Variants in FOXJ3 observed in about 807,000 individuals in gnomAD.
FOXJ3 encodes forkhead box protein J3.
In FOXJ3, 22 loss-of-function variants were observed where a neutral mutation model predicts 76.1. The ratio of observed to expected loss-of-function variants is 0.29; its 90% CI spans 0.21 to 0.41. FOXJ3 has a LOEUF of 0.41. Among genes scored for constraint, FOXJ3 ranks in the 10% least tolerant of loss-of-function variants. FOXJ3 has a pLI of 1.00. For synonymous variants in FOXJ3, 269 were observed against 261.2 expected, an observed-to-expected ratio of 1.03 and a Z score of -0.29; for missense variants, 613 against 762.1, an observed-to-expected ratio of 0.80 and a Z score of 2.30.
chr1:42,242,204 G>GA (rs566533469), intron 4 of FOXJ3, among the ~76,000 whole-genome samples: 77 of 146,778 alleles, frequency 5.2e-4, no homozygotes, highest in Admixed American at 6.1e-4. Context: ...CAAGAAATGT[G>GA]AAAAAAAAAA....
At chr1:42,322,195 T>G (rs1655472302) in intron 1 of FOXJ3, among the ~76,000 whole-genome samples, 1 of 152,064 alleles carries the variant, frequency 6.6e-6, no homozygotes, top group Non-Finnish European at 1.5e-5. Context: ...TAAAGGAGAT[T>G]TAAGAAATAT....
intron 2 of FOXJ3, among the ~76,000 whole-genome samples, chr1:42,296,704 C>G (rs984956234): frequency 2.6e-5 from 4 of 152,326 alleles, no homozygotes; most frequent in African/African-American, 9.6e-5. Flanking sequence ...GCTTTAGTTA[C>G]TATAGCCTTG....
At chr1:42,207,644 AAGATCATACC>A (rs1398349714) in intron 5 of FOXJ3, among the ~76,000 whole-genome samples, 17 of 152,344 alleles carry the variant, frequency 1.1e-4, no homozygotes, top group African/African-American at 4.1e-4. Context: ...GCATTTCTAA[AAGATCATACC>A]AGATGAGCGA....
chr1:42,187,729 T>C (rs1646466551), intron 11 of FOXJ3, among the ~76,000 whole-genome samples: 1 of 152,108 alleles, frequency 6.6e-6, no homozygotes, highest in Non-Finnish European at 1.5e-5. Flanking sequence ...TAAATTTTAG[T>C]GTCTGGCACA....
intron 3 of FOXJ3, among the ~76,000 whole-genome samples, chr1:42,266,218 T>C (rs1651455003): frequency 6.6e-6 from 1 of 152,118 alleles, no homozygotes. Flanking sequence ...TATTGGAATT[T>C]TAAACGTTTT....
chr1:42,309,089 G>A (rs774424878), intron 2 of FOXJ3, among the ~76,000 whole-genome samples: 7 of 150,530 alleles, frequency 4.7e-5, no homozygotes, highest in Non-Finnish European at 7.4e-5. Flanking sequence ...AACTACAAAC[G>A]TAACTTCATT....
At chr1:42,326,738 C>T (rs1279271674) in intron 1 of FOXJ3, among the ~76,000 whole-genome samples, 3 of 152,176 alleles carry the variant, frequency 2.0e-5, no homozygotes, top group Admixed American at 6.5e-5. Flanking sequence ...GGAGAAACCG[C>T]TCCCATTGGT....
chr1:42,273,674 C>CA (rs35528514), intron 3 of FOXJ3, among the ~76,000 whole-genome samples: 1,907 of 86,278 alleles, frequency 0.022, 80 homozygotes, highest in South Asian at 0.08. Context: ...CACTCCATCT[C>CA]AAAAAAAAAA....
chr1:42,282,767 C>A (rs1652810285), intron 2 of FOXJ3, among the ~76,000 whole-genome samples: 1 of 152,174 alleles, frequency 6.6e-6, no homozygotes, highest in Admixed American at 6.5e-5. Flanking sequence ...CCTGGTCAAT[C>A]CCCTCTTTCC....
In FOXJ3 at chr1:42,311,110, T is replaced by C. The variant is rs771428235; in HGVS notation, c.-17A>G. The C allele has an allele frequency of 5.0e-6, 8 of 1,589,142 alleles. No individual in the cohort carries two copies. Among genetic ancestry groups the C allele is most frequent in the South Asian group, 4.6e-5 (4 of 86,286 alleles). On this transcript the variant is annotated splice_region_variant and 5_prime_UTR_variant, in exon 2 of 13. Coordinates refer to ENST00000361346, the MANE Select transcript of FOXJ3 (RefSeq NM_014947.5). ...CAAACCCATCTGGCCACAAAGAGAA[T>C]CTGAAAAGCAAAGAAGAGTTAGTTA...
chr1:42,249,076 G>T (rs1037345927), intron 4 of FOXJ3, among the ~76,000 whole-genome samples: 1 of 152,118 alleles, frequency 6.6e-6, no homozygotes, highest in African/African-American at 2.4e-5. Context: ...TGCAAAGGAT[G>T]TGATCTCATT....
intron 5 of FOXJ3, among the ~76,000 whole-genome samples, chr1:42,225,418 CACTCTAAAAAAA>C (rs1197666383): frequency 2.0e-5 from 3 of 152,052 alleles, no homozygotes; most frequent in African/African-American, 7.2e-5. Context: ...TCTCACTTCC[CACTCTAAAAAAA>C]ACTCTAAAGG....
At chr1:42,235,508 G>A (rs1343407309) in intron 4 of FOXJ3, among the ~76,000 whole-genome samples, 1 of 151,958 alleles carries the variant, frequency 6.6e-6, no homozygotes, top group East Asian at 1.9e-4. Flanking sequence ...TCTAGGAGCT[G>A]TAGACTGGAG....
intron 4 of FOXJ3, among the ~76,000 whole-genome samples, chr1:42,253,285 T>C (rs1650259969): frequency 6.7e-6 from 1 of 149,868 alleles, no homozygotes; most frequent in East Asian, 2.0e-4. Context: ...CAAGGAGAAC[T>C]ACAAACCACT....
At chr1:42,293,759 A>G (rs1014572357) in intron 2 of FOXJ3, among the ~76,000 whole-genome samples, 2 of 152,194 alleles carry the variant, frequency 1.3e-5, no homozygotes, top group Admixed American at 6.5e-5. Flanking sequence ...TCGTCTTTCC[A>G]TAACTCCATG....
Position 42,321,859 on chromosome 1 carries a change from C to T in FOXJ3, c.-17-10749G>A, listed in dbSNP as rs558548677. 6.6e-5 allele frequency among the ~76,000 whole-genome samples: 10 copies of T among 152,080 alleles called. No individual in the cohort carries two copies. The East Asian group carries it at 1.4e-3, about 21-fold the overall frequency. On this transcript the variant is annotated intron_variant, in intron 1 of 12. Transcript: ENST00000361346. ...TTAAAGAGATGTATGAGGAAGATTC[C>T]ATTGGCATCATTTTCCAGGGAAAAA...
intron 2 of FOXJ3, among the ~76,000 whole-genome samples, chr1:42,282,451 T>A (rs373246155): frequency 3.0e-4 from 45 of 152,322 alleles, no homozygotes; most frequent in African/African-American, 1.1e-3. Flanking sequence ...AATCTTTTAT[T>A]AATCCTTCTC....
At chr1:42,285,424 GTGTC>G (rs749117477) in intron 2 of FOXJ3, among the ~76,000 whole-genome samples, 14 of 151,370 alleles carry the variant, frequency 9.2e-5, no homozygotes, top group Non-Finnish European at 1.5e-4. Context: ...AAAAAAAAAA[GTGTC>G]TGGGCAGGTC....
intron 5 of FOXJ3, among the ~76,000 whole-genome samples, chr1:42,227,528 A>G (rs1647670887): frequency 1.3e-5 from 2 of 152,256 alleles, no homozygotes; most frequent in South Asian, 4.1e-4. Context: ...GGAAAATTCA[A>G]TGCAACCAAA....
Sources: gnomAD v4.1 joint callset for allele counts (sites outside exome capture counted in the v4.1 genomes callset) on GRCh38, gnomAD v4.1.1 for gene constraint, MANE v1.5 for transcripts, NCBI Gene and HGNC (gene_info 2026-07-23, HGNC 2026-07-21) for gene names.